NR2C2: variants seen among roughly 807,000 people sequenced by gnomAD.
NR2C2 encodes nuclear receptor subfamily 2 group C member 2.
A neutral mutation model predicts 62.9 loss-of-function variants in NR2C2; 6 were observed. The ratio of observed to expected loss-of-function variants is 0.10; its 90% confidence interval spans 0.05 to 0.19. The LOEUF (loss-of-function observed/expected upper bound fraction) is 0.19. Ranked by LOEUF, NR2C2 falls within the 10% of genes least tolerant of loss-of-function variation. NR2C2 has a pLI of 1.00. For synonymous variants in NR2C2, 272 were observed against 273.8 expected (o/e 0.99, Z 0.07); for missense variants, 479 against 762.7 (o/e 0.63, Z 4.38).
chr3:15,004,551 C>G (rs754023479), intron 2 of NR2C2: 3 of 1,610,602 alleles, frequency 1.9e-6, no homozygotes, highest in Non-Finnish European at 2.5e-6. Context: ...AAGTTGTCTT[C>G]CCTAGGGCTC....
At chr3:14,948,506 G>T (rs563651006) in intron 1 of NR2C2, 15 of 152,470 alleles carry the variant, frequency 9.8e-5, no homozygotes, top group African/African-American at 3.6e-4. Flanking sequence ...ATTGGCTGAG[G>T]CGGAAGAGGG....
At chr3:15,027,865 TC>T (rs2041866644) in intron 7 of NR2C2, among the ~76,000 whole-genome samples, 1 of 151,482 alleles carries the variant, frequency 6.6e-6, no homozygotes, top group Non-Finnish European at 1.5e-5. Flanking sequence ...CCCAAAGTGC[TC>T]TTTTTCCTTT....
intron 1 of NR2C2, among the ~76,000 whole-genome samples, chr3:14,952,497 T>A (rs889760896): frequency 6.6e-6 from 1 of 152,168 alleles, no homozygotes; most frequent in Non-Finnish European, 1.5e-5. Flanking sequence ...AATCTTAGAA[T>A]CTCAGAATTG....
At chr3:14,984,435 A>G (rs2040459151) in intron 1 of NR2C2, among the ~76,000 whole-genome samples, 1 of 152,214 alleles carries the variant, frequency 6.6e-6, no homozygotes, top group Admixed American at 6.5e-5. Flanking sequence ...TAATATAAGC[A>G]TTAGGCTGTA....
intron 1 of NR2C2, among the ~76,000 whole-genome samples, chr3:14,953,077 A>C (rs1470044601): frequency 3.3e-5 from 5 of 152,188 alleles, no homozygotes; most frequent in African/African-American, 1.2e-4. Flanking sequence ...ATTGTTAAGG[A>C]CAGAAAGGGA....
At chr3:14,963,554 C>T (rs576780483) in intron 1 of NR2C2, among the ~76,000 whole-genome samples, 19 of 152,170 alleles carry the variant, frequency 1.2e-4, no homozygotes, top group Admixed American at 1.1e-3. Context: ...CTGCAAGCTC[C>T]GCTTCCTGGG....
chr3:15,018,282 C>T (rs1252232366), intron 4 of NR2C2, among the ~76,000 whole-genome samples: 1 of 152,136 alleles, frequency 6.6e-6, no homozygotes, highest in African/African-American at 2.4e-5. Flanking sequence ...CAGGCATGAG[C>T]CACCTTGCCC....
At position 15,004,697 on chromosome 3, in the gene NR2C2, C is replaced by G. The variant is rs531729767; in HGVS notation, c.72+711C>G. 2.7e-6 allele frequency: 4 copies of G among 1,498,588 alleles called. No homozygotes were observed. In the African/African-American group the frequency reaches 4.1e-5, roughly 16 times the overall value. 92.8% of individuals were successfully genotyped at this position (1,498,588 alleles called of 1,614,324 possible). A position where few individuals can be genotyped will look rare whatever the true frequency, so the allele number is the denominator to read the frequency against. ...AAAGATTTATTGTTATCTCAACAAG[C>G]TGAATCAAAAAGCCAATTATAACGG... is the stretch of plus-strand genomic sequence containing the variant. On this transcript the variant is annotated intron_variant, in intron 2 of 13. Coordinates refer to ENST00000425241, the MANE Select transcript of NR2C2 (RefSeq NM_001291694.2).
intron 1 of NR2C2, among the ~76,000 whole-genome samples, chr3:14,963,585 C>T (rs2039750147): frequency 2.0e-5 from 3 of 152,078 alleles, no homozygotes; most frequent in Admixed American, 6.6e-5. Context: ...TCTCCTGCCT[C>T]AGCCTCCCGA....
intron 1 of NR2C2, among the ~76,000 whole-genome samples, chr3:14,952,977 G>C (rs539187891): frequency 6.6e-5 from 10 of 152,356 alleles, no homozygotes; most frequent in African/African-American, 2.2e-4. Context: ...CCAGATCAGG[G>C]CATTGGCGTA....
chr3:15,038,390 AC>A lies in NR2C2; in HGVS notation c.1510+255del, dbSNP rs2125086885. 6.2e-6 allele frequency: 2 copies of A among 320,700 alleles called. 1 individual carries two copies. The highest frequency in any genetic ancestry group is 1.7e-4 in the South Asian group (2 of 11,484). The allele number at this position is 320,700 out of a possible 1,614,324, so 19.9% of individuals were successfully genotyped here. A position where few individuals can be genotyped will look rare whatever the true frequency, so the allele number is the denominator to read the frequency against. ...TAGATTTAATCTGTGTCCTAATTAA[AC>A]CATTGGCCAAACAAGACTACACCAT... On this transcript the variant is annotated intron_variant, in intron 12 of 13. Coordinates refer to ENST00000425241, the MANE Select transcript of NR2C2 (RefSeq NM_001291694.2).
rs779575945 is a variant in NR2C2 at position 15,037,991 on chromosome 3, G to C, written c.1373-9G>C. On this transcript the variant is annotated splice_polypyrimidine_tract_variant and intron_variant, in intron 11 of 13. Transcript: ENST00000425241. The stretch of plus-strand genomic sequence containing the variant: ...AGCCTTTCTCAGGATCTGTGATGTT[G>C]GTTTCTAGATAAACTTTCTGGTGAC... The C allele has an allele frequency of 1.2e-6, 2 of 1,611,594 alleles. No homozygotes were observed. The highest frequency in any genetic ancestry group is 1.7e-6 in the Non-Finnish European group (2 of 1,178,752).
chr3:15,003,791 A>G, intron 1 of NR2C2, 85 bp from the exon 2 acceptor site: 1 of 802,252 alleles, frequency 1.2e-6, no homozygotes, highest in South Asian at 1.5e-5. Flanking sequence ...TCCAGGCCAC[A>G]GTGAAAGCAA....
intron 2 of NR2C2, chr3:15,004,553 C>T (rs2124934917): frequency 6.2e-7 from 1 of 1,610,912 alleles, no homozygotes; most frequent in South Asian, 1.1e-5. Context: ...GTTGTCTTCC[C>T]TAGGGCTCTG....
At chr3:15,041,891 C>A (rs761267965) in intron 13 of NR2C2, among the ~76,000 whole-genome samples, 105 of 152,118 alleles carry the variant, frequency 6.9e-4, no homozygotes, top group Non-Finnish European at 1.2e-3. Flanking sequence ...TGTCCAGATA[C>A]CTACTATTAA....
intron 1 of NR2C2, among the ~76,000 whole-genome samples, chr3:14,955,339 TA>T (rs2039491828): frequency 6.6e-6 from 1 of 152,216 alleles, no homozygotes; most frequent in Non-Finnish European, 1.5e-5. Context: ...ATAAGTCACA[TA>T]TTACGACTTA....
chr3:15,010,478 C>T (rs1012432029), intron 2 of NR2C2, among the ~76,000 whole-genome samples: 2 of 151,836 alleles, frequency 1.3e-5, no homozygotes, highest in Non-Finnish European at 2.9e-5. Context: ...CCTTGGGAGG[C>T]GAAGGCACGA....
chr3:14,948,608 G>A (rs1188647180), intron 1 of NR2C2: 2 of 152,124 alleles, frequency 1.3e-5, no homozygotes, highest in South Asian at 1.8e-4. Context: ...GGCCGGGGGC[G>A]GGGCGCGAGG....
chr3:15,030,653 T>C (rs1330838825), intron 9 of NR2C2, among the ~76,000 whole-genome samples: 2 of 151,888 alleles, frequency 1.3e-5, no homozygotes, highest in Non-Finnish European at 2.9e-5. Flanking sequence ...CATGGTGAAA[T>C]CCCATCTCTC....
Sources: allele counts gnomAD v4.1 joint callset (sites outside exome capture counted in the v4.1 genomes callset), GRCh38; gene constraint gnomAD v4.1.1; transcripts MANE v1.5; gene names NCBI Gene and HGNC (gene_info 2026-07-23, HGNC 2026-07-21).